PRRC2C: variants seen among roughly 807,000 people sequenced by gnomAD.
PRRC2C encodes the protein proline rich coiled-coil 2C.
A neutral mutation model predicts 317.2 loss-of-function variants in PRRC2C; 72 were observed. The observed-to-expected ratio is 0.23, with a 90% confidence interval of 0.19 to 0.28. PRRC2C has a LOEUF of 0.28. PRRC2C is among the 10% of genes least tolerant of loss of function. The probability of loss-of-function intolerance (pLI) is 1.00; values close to 1 mark genes in which losing one functional copy is unlikely to be tolerated. For missense variants in PRRC2C, 3,074 were observed against 3,459.7 expected, an observed-to-expected ratio of 0.89 and a Z score of 2.80; for synonymous variants, 1,296 against 1,205.9, an observed-to-expected ratio of 1.07 and a Z score of -1.55.
chr1:171,546,884 C>G (rs1348543397), intron 17 of PRRC2C, among the ~76,000 whole-genome samples: 1 of 152,020 alleles, frequency 6.6e-6, no homozygotes, highest in African/African-American at 2.4e-5. Flanking sequence ...TCCCAAAGTG[C>G]TGGGATTACG....
Position 171,566,770 on chromosome 1 carries a change from C to T in PRRC2C, c.6485C>T (p.Ala2162Val). Residue 2162 changes from alanine (A) to valine (V), a missense_variant, in exon 22 of 35, where the codon GCA (alanine) becomes GTA (valine). Physicochemically the swap from Ala to Val is moderately conservative, Grantham distance 64. Coordinates refer to ENST00000647382, the MANE Select transcript of PRRC2C (RefSeq NM_001387844.1). ...CCTGTCACGACAAAGGAGACTAAAG[C>T]AGTCTCAGAAATGTCTACTGAAATA... Reference protein sequence around the residue: ...TDPVTTKETKAVSEMSTEIGT... With the variant: ...TDPVTTKETKVVSEMSTEIGT... 1.2e-6 allele frequency: 2 copies of T among 1,613,668 alleles called. No homozygotes were observed. The highest frequency in any genetic ancestry group is 8.5e-7 in the Non-Finnish European group (1 of 1,179,734).
intron 2 of PRRC2C, chr1:171,512,442 G>T (rs1490405962): frequency 1.0e-5 from 4 of 389,210 alleles, no homozygotes; most frequent in Non-Finnish European, 2.0e-5. Flanking sequence ...GCAGAAAAAA[G>T]GTAGAACTGT....
chr1:171,569,684 G>C (rs1203875594), intron 23 of PRRC2C, among the ~76,000 whole-genome samples: 1 of 147,646 alleles, frequency 6.8e-6, no homozygotes, highest in Non-Finnish European at 1.5e-5. Flanking sequence ...TTCAGTTTAA[G>C]TGCTGTGATA....
chr1:171,561,174 G>A, intron 20 of PRRC2C, 71 bp downstream of exon 20: 4 of 1,377,146 alleles, frequency 2.9e-6, no homozygotes, highest in Non-Finnish European at 4.1e-6. Flanking sequence ...CGGGTGTGGT[G>A]GCTTACACCT....
chr1:171,516,723 ACT>A (rs1275020501), intron 5 of PRRC2C, among the ~76,000 whole-genome samples: 7 of 151,960 alleles, frequency 4.6e-5, no homozygotes, highest in African/African-American at 1.2e-4. Flanking sequence ...TGGCCAAGGG[ACT>A]CTCTCTCAAA....
At chr1:171,523,606 G>A in intron 9 of PRRC2C, 84 bp downstream of exon 9, 1 of 1,145,374 alleles carries the variant, frequency 8.7e-7, no homozygotes, top group Non-Finnish European at 1.3e-6. Context: ...TTTGTTAATA[G>A]ACAATTGTTT....
Position 171,517,787 on chromosome 1 carries a change from C to T in PRRC2C, c.723C>T (p.Ser241=). 6.2e-7 allele frequency: 1 copy of T among 1,613,326 alleles called. No individual in the cohort carries two copies. The highest frequency in any genetic ancestry group is 1.1e-5 in the South Asian group (1 of 91,046). ...ATGGACAGCAGGCTGCTCTCGCTTC[C>T]CAGTATAGAGCTATGATGCCTCCTT... The part of the protein sequence containing the change: ...KLNGQQAALA[S]QYRAMMPPYM... Residue 241 remains serine, a synonymous_variant, in exon 6 of 35, where the codon TCC becomes TCT. Coordinates refer to ENST00000647382, the MANE Select transcript of PRRC2C (RefSeq NM_001387844.1).
chr1:171,564,922 A>G (rs1254607390), intron 20 of PRRC2C, among the ~76,000 whole-genome samples: 2 of 152,236 alleles, frequency 1.3e-5, no homozygotes, highest in African/African-American at 2.4e-5. Flanking sequence ...TACTCTTGAC[A>G]TTATATCCGG....
chr1:171,578,005 A>G (rs930204681), intron 26 of PRRC2C, among the ~76,000 whole-genome samples: 1 of 139,322 alleles, frequency 7.2e-6, no homozygotes, highest in Non-Finnish European at 1.5e-5. Context: ...CGTGTTGCCC[A>G]GGCTGGCCTC....
chr1:171,576,750 C>T (rs185294232), intron 25 of PRRC2C, among the ~76,000 whole-genome samples: 11 of 151,968 alleles, frequency 7.2e-5, no homozygotes, highest in Admixed American at 5.9e-4. Flanking sequence ...TGGAGTGCAG[C>T]GATGTCATCA....
At chr1:171,500,989 C>CCTGTGCT (rs1242137136) in intron 1 of PRRC2C, among the ~76,000 whole-genome samples, 1 of 152,224 alleles carries the variant, frequency 6.6e-6, no homozygotes, top group Non-Finnish European at 1.5e-5. Context: ...GCCTCGACTT[C>CCTGTGCT]CTGTGCTCCA....
intron 1 of PRRC2C, among the ~76,000 whole-genome samples, chr1:171,497,317 G>A (rs1316816788): frequency 6.6e-6 from 1 of 152,180 alleles, no homozygotes; most frequent in African/African-American, 2.4e-5. Context: ...TGGCTTTGAA[G>A]TCAGCCTGGA....
rs371016782 is a variant in PRRC2C at position 171,513,097 on chromosome 1, A to G, written c.215A>G (p.Asn72Ser). The G allele has an allele frequency of 5.5e-5, 88 of 1,613,732 alleles. No homozygotes were observed. Among genetic ancestry groups the G allele is most frequent in the Middle Eastern group, 1.6e-4 (1 of 6,084 alleles). Residue 72 changes from asparagine (N) to serine (S), a missense_variant, in exon 3 of 35, where the codon AAT becomes AGT. Asn to Ser is a conservative substitution (Grantham distance 46). Around this residue, in one of 11 missense-constraint regions of PRRC2C, gnomAD observed 71 missense variants for 118.9 expected, o/e 0.60. Coordinates refer to ENST00000647382, the MANE Select transcript of PRRC2C (RefSeq NM_001387844.1). ...LPSLKAENKG[N>S]DPNVNIVPKD... The stretch of plus-strand genomic sequence containing the variant: ...AGTCTTAAAGCAGAAAACAAAGGCA[A>G]TGATCCTAATGTAAACATTGTACCT...
chr1:171,568,780 G>T (rs1684158426), intron 23 of PRRC2C, among the ~76,000 whole-genome samples: 1 of 152,050 alleles, frequency 6.6e-6, no homozygotes, highest in Non-Finnish European at 1.5e-5. Context: ...AAAGAATCAA[G>T]TATGTCTTTA....
At chr1:171,496,389 G>C (rs1421254029) in intron 1 of PRRC2C, among the ~76,000 whole-genome samples, 1 of 151,700 alleles carries the variant, frequency 6.6e-6, no homozygotes, top group Non-Finnish European at 1.5e-5. Flanking sequence ...TTTTAGTAGA[G>C]ATGGTATTTT....
intron 3 of PRRC2C, 44 bp downstream of exon 3, chr1:171,513,216 T>C (rs772864051): frequency 5.2e-6 from 8 of 1,549,042 alleles, no homozygotes; most frequent in Non-Finnish European, 7.0e-6. Context: ...CCCCTTTCTT[T>C]GTAGGGAACT....
At chr1:171,522,402 GCTAA>G (rs1256420436) in intron 7 of PRRC2C, 143 bp downstream of exon 7, 2 of 450,674 alleles carry the variant, frequency 4.4e-6, no homozygotes, top group East Asian at 6.8e-5. Flanking sequence ...TAAATAATTG[GCTAA>G]CTCTTATAAG....
At chr1:171,535,069 T>G (rs1285475936) in intron 12 of PRRC2C, among the ~76,000 whole-genome samples, 3 of 152,188 alleles carry the variant, frequency 2.0e-5, no homozygotes, top group Non-Finnish European at 4.4e-5. Context: ...TCATGTAGAT[T>G]TTAATGAACT....
intron 28 of PRRC2C, among the ~76,000 whole-genome samples, chr1:171,582,946 A>G (rs1170592169): frequency 2.9e-4 from 44 of 152,014 alleles, no homozygotes; most frequent in Admixed American, 2.9e-3. Flanking sequence ...TTAGCTTACA[A>G]CACAAACACA....
Sources: gnomAD v4.1 joint callset for allele counts (sites outside exome capture counted in the v4.1 genomes callset) on GRCh38, gnomAD v4.1.1 for gene constraint, gnomAD v4.1.1 regional missense constraint, MANE v1.5 for transcripts, NCBI Gene and HGNC (gene_info 2026-07-23, HGNC 2026-07-21) for gene names.